The following PHYHIPL variants were observed in gnomAD, a reference collection of about 807,000 sequenced individuals.
PHYHIPL encodes phytanoyl-CoA 2-hydroxylase interacting protein like.
A neutral mutation model predicts 33.4 loss-of-function variants in PHYHIPL; 9 were observed. That is an observed-to-expected ratio of 0.27 (90% CI 0.16 to 0.47). The LOEUF is 0.47. Ranked by LOEUF, PHYHIPL falls within the 20% of genes least tolerant of loss-of-function variation. The pLI, the probability that PHYHIPL is intolerant of heterozygous loss-of-function variation, is 0.99. For missense variants in PHYHIPL, 365 were observed against 460.7 expected (o/e 0.79, Z 1.90); for synonymous variants, 153 against 154.1 (o/e 0.99, Z 0.05).
At chr10:59,240,795 T>G (rs933691252) in intron 4 of PHYHIPL, among the ~76,000 whole-genome samples, 4 of 152,126 alleles carry the variant, frequency 2.6e-5, no homozygotes, top group Non-Finnish European at 5.9e-5. Context: ...AGTATCTCTC[T>G]GTGATTTTTC....
chr10:59,235,500 A>G (rs1441294431), intron 2 of PHYHIPL, among the ~76,000 whole-genome samples: 2 of 151,816 alleles, frequency 1.3e-5, no homozygotes, highest in Non-Finnish European at 2.9e-5. Flanking sequence ...TATTGCTTTT[A>G]TTAGATGTGC....
Position 59,180,294 on chromosome 10 carries a change from AAT to A in PHYHIPL, c.106+3347_106+3348del, listed in dbSNP as rs71006236. Among the ~76,000 whole-genome samples the A allele has an allele frequency of 2.0e-3, 270 of 133,968 alleles. 4 individuals are homozygous for A. The highest frequency in any genetic ancestry group is 5.7e-3 in the African/African-American group (200 of 35,014). 87.9% of individuals were successfully genotyped at this position (133,968 alleles called of 152,430 possible). On this transcript the variant is annotated intron_variant, in intron 1 of 4. Coordinates refer to ENST00000373880, the MANE Select transcript of PHYHIPL (RefSeq NM_032439.4). ...CACACACACATACACACACATATAT[AAT>A]ATATATATATAGAAAAAGTATATAT...
rs565774848 is a variant in PHYHIPL, at chr10:59,192,128, T to A, written c.106+15169T>A. Among the ~76,000 whole-genome samples the A allele has an allele frequency of 1.7e-4, 26 of 152,258 alleles. No homozygotes were observed. The South Asian group carries it at 2.7e-3, about 16-fold the overall frequency. On this transcript the variant is annotated intron_variant, in intron 1 of 4. Transcript: ENST00000373880. ...ACCTTTTATTAGCACATGGTGCCAT[T>A]TTGTGCACTGAGGTAGCAGGCAAAG...
intron 1 of PHYHIPL, among the ~76,000 whole-genome samples, chr10:59,210,088 TTAAAC>T (rs1334935393): frequency 6.6e-6 from 1 of 152,034 alleles, no homozygotes; most frequent in Non-Finnish European, 1.5e-5. Context: ...TGGGATCTAA[TTAAAC>T]TAAAGAGCTT....
intron 3 of PHYHIPL, 109 bp from the exon 4 acceptor site, chr10:59,238,479 T>TA (rs943319700): frequency 1.9e-6 from 1 of 524,818 alleles, no homozygotes; most frequent in Non-Finnish European, 3.4e-6. Context: ...TCCTATTTAT[T>TA]AAGTTGAATT....
rs560456878 is a variant in PHYHIPL at position 59,247,446 on chromosome 10, C to G, written c.*1855C>G. 7.7e-6 allele frequency: 6 copies of G among 778,128 alleles called. No homozygotes were observed. Among genetic ancestry groups the G allele is most frequent in the Non-Finnish European group, 1.2e-5 (6 of 486,482 alleles). The allele number at this position is 778,128 out of a possible 1,614,324, so 48.2% of individuals were successfully genotyped here. On this transcript the variant is annotated 3_prime_UTR_variant, in exon 5 of 5. Coordinates refer to ENST00000373880, the MANE Select transcript of PHYHIPL (RefSeq NM_032439.4). ...TTGTATTCTTCCCCCCGTTTAAATCCCTTCTCCTTGTATATAATTAAACTT... is the reference window on the plus strand; with the variant it reads ...TTGTATTCTTCCCCCCGTTTAAATCGCTTCTCCTTGTATATAATTAAACTT...
At chr10:59,239,875 T>TC (rs397687459) in intron 4 of PHYHIPL, among the ~76,000 whole-genome samples, 27 of 192 alleles carry the variant, frequency 0.14, no homozygotes, top group Admixed American at 0.5. Flanking sequence ...CTCTAAAGCA[T>TC]CTTAAGTTGA....
intron 1 of PHYHIPL, among the ~76,000 whole-genome samples, chr10:59,204,857 C>T (rs1387351719): frequency 6.7e-6 from 1 of 148,812 alleles, no homozygotes. Context: ...AAAGGAGTCT[C>T]ATAAAGTTTT....
chr10:59,225,852 C>T (rs961283542), intron 1 of PHYHIPL, among the ~76,000 whole-genome samples: 2 of 151,844 alleles, frequency 1.3e-5, no homozygotes, highest in Admixed American at 6.6e-5. Context: ...CTATGCTAGA[C>T]CTAAAAACAA....
At chr10:59,186,669 G>A (rs563515828) in intron 1 of PHYHIPL, among the ~76,000 whole-genome samples, 103 of 152,172 alleles carry the variant, frequency 6.8e-4, no homozygotes, top group African/African-American at 2.4e-3. Flanking sequence ...TTCTTGAAGA[G>A]GTCCTTCACA....
intron 1 of PHYHIPL, among the ~76,000 whole-genome samples, chr10:59,195,324 G>T (rs1589264924): frequency 1.3e-5 from 2 of 152,300 alleles, no homozygotes; most frequent in East Asian, 3.9e-4. Context: ...ACAAATTTAT[G>T]TAATATAAGC....
At chr10:59,216,850 G>A (rs995200395) in intron 1 of PHYHIPL, among the ~76,000 whole-genome samples, 9 of 152,076 alleles carry the variant, frequency 5.9e-5, no homozygotes, top group Non-Finnish European at 8.8e-5. Context: ...ATGTATGCAT[G>A]CTTATATATG....
At chr10:59,192,437 TC>T (rs1838806736) in intron 1 of PHYHIPL, among the ~76,000 whole-genome samples, 1 of 152,046 alleles carries the variant, frequency 6.6e-6, no homozygotes, top group South Asian at 2.1e-4. Flanking sequence ...CTAACAAATT[TC>T]TAGGGGATGT....
intron 1 of PHYHIPL, among the ~76,000 whole-genome samples, chr10:59,184,976 A>G (rs1034636618): frequency 6.7e-6 from 1 of 149,264 alleles, no homozygotes; most frequent in African/African-American, 2.5e-5. Context: ...AAAGGACATG[A>G]ACTCATCATT....
chr10:59,232,604 A>G (rs1244102783), intron 1 of PHYHIPL, among the ~76,000 whole-genome samples: 1 of 151,982 alleles, frequency 6.6e-6, no homozygotes, highest in Non-Finnish European at 1.5e-5. Flanking sequence ...GTGTTACTAT[A>G]TTGAAGTTGT....
chr10:59,190,128 G>C (rs1248588526), intron 1 of PHYHIPL, among the ~76,000 whole-genome samples: 1 of 151,984 alleles, frequency 6.6e-6, no homozygotes, highest in East Asian at 1.9e-4. Context: ...TTTTCAAATA[G>C]TCAATCAGTG....
intron 4 of PHYHIPL, among the ~76,000 whole-genome samples, chr10:59,242,557 A>AAAAGATAATC: frequency 6.6e-6 from 1 of 152,218 alleles, no homozygotes. Context: ...CCTGAATGAG[A>AAAAGATAATC]AAAGATAATC....
chr10:59,230,393 C>A (rs1243360061), intron 1 of PHYHIPL, among the ~76,000 whole-genome samples: 1 of 151,532 alleles, frequency 6.6e-6, no homozygotes, highest in African/African-American at 2.4e-5. Context: ...TTTTGCACTT[C>A]TTGTAGAAAC....
chr10:59,235,309 C>T (rs957722943), intron 2 of PHYHIPL, among the ~76,000 whole-genome samples: 2 of 151,694 alleles, frequency 1.3e-5, no homozygotes, highest in African/African-American at 2.4e-5. Flanking sequence ...TATCATATAT[C>T]TTTTCTGATA....
Sources: allele counts gnomAD v4.1 joint callset (sites outside exome capture counted in the v4.1 genomes callset), GRCh38; gene constraint gnomAD v4.1.1; transcripts MANE v1.5; gene names NCBI Gene and HGNC (gene_info 2026-07-23, HGNC 2026-07-21).